The following AGBL4 variants were observed in gnomAD, a reference collection of about 807,000 sequenced individuals.
AGBL4 encodes the protein cytosolic carboxypeptidase 6.
AGBL4 carries 58 observed loss-of-function variants against 66.4 expected under a neutral mutation model. The observed-to-expected ratio is 0.87, with a 90% CI of 0.71 to 1.09. The LOEUF (loss-of-function observed/expected upper bound fraction) is 1.09. Among genes scored for constraint, AGBL4 ranks in the 50% least tolerant of loss-of-function variants. The pLI is 0.00. For missense variants in AGBL4, 579 were observed against 631.0 expected (o/e 0.92, Z 0.88); for synonymous variants, 234 against 222.9 (o/e 1.05, Z -0.44).
intron 1 of AGBL4, among the ~76,000 whole-genome samples, chr1:49,910,702 A>C (rs1453550243): frequency 2.0e-5 from 3 of 152,072 alleles, no homozygotes; most frequent in Non-Finnish European, 4.4e-5. Context: ...CGCGCCAGGC[A>C]CGGTGGCTCA....
At chr1:48,931,181 A>C (rs1489945340) in intron 5 of AGBL4, among the ~76,000 whole-genome samples, 1 of 152,198 alleles carries the variant, frequency 6.6e-6, no homozygotes, top group African/African-American at 2.4e-5. Flanking sequence ...GTGAACTAAA[A>C]ATGATCTTGG....
At chr1:49,750,832 T>A (rs1192569249) in intron 2 of AGBL4, among the ~76,000 whole-genome samples, 1 of 152,220 alleles carries the variant, frequency 6.6e-6, no homozygotes, top group African/African-American at 2.4e-5. Flanking sequence ...TCCTAGGTAT[T>A]TTATTCTCTT....
At chr1:49,069,353 T>G (rs1014899896) in intron 4 of AGBL4, among the ~76,000 whole-genome samples, 1 of 152,256 alleles carries the variant, frequency 6.6e-6, no homozygotes, top group Non-Finnish European at 1.5e-5. Flanking sequence ...TCAAGGGTTT[T>G]TATGGTTTTA....
intron 2 of AGBL4, among the ~76,000 whole-genome samples, chr1:49,791,162 A>G (rs1644589243): frequency 6.6e-6 from 1 of 152,158 alleles, no homozygotes; most frequent in Admixed American, 6.6e-5. Context: ...CTAGACTTTC[A>G]TAAGTGAAGC....
intron 5 of AGBL4, among the ~76,000 whole-genome samples, chr1:48,883,519 G>C (rs149398918): frequency 7.2e-4 from 110 of 152,292 alleles, no homozygotes; most frequent in Middle Eastern, 6.8e-3. Flanking sequence ...AGCTTTCTTT[G>C]ACTCTCCGTC....
intron 3 of AGBL4, among the ~76,000 whole-genome samples, chr1:49,373,639 C>T (rs1644412347): frequency 6.6e-6 from 1 of 152,044 alleles, no homozygotes; most frequent in African/African-American, 2.4e-5. Context: ...TTACTATCCT[C>T]ATTTTATGGA....
rs1646038865 is a variant in AGBL4 at position 48,657,474 on chromosome 1, A to G, written c.725-4023T>C. Among the ~76,000 whole-genome samples the G allele has an allele frequency of 2.0e-5, 3 of 152,346 alleles. No homozygotes were observed. The South Asian group carries it at 6.2e-4, about 32-fold the overall frequency. The stretch of plus-strand genomic sequence containing the variant: ...CAGCGTGGAATGCTGCTAAGAGGAA[A>G]GGAATACTGCAGGGCAGGGCCTCCT... On this transcript the variant is annotated intron_variant, in intron 7 of 13. Coordinates refer to ENST00000371839, the MANE Select transcript of AGBL4 (RefSeq NM_032785.4).
At chr1:49,371,683 C>T (rs1644348221) in intron 3 of AGBL4, among the ~76,000 whole-genome samples, 1 of 152,006 alleles carries the variant, frequency 6.6e-6, no homozygotes, top group Non-Finnish European at 1.5e-5. Flanking sequence ...ATCTCTATCC[C>T]CGTATATGTT....
intron 9 of AGBL4, among the ~76,000 whole-genome samples, chr1:48,601,608 C>T (rs1259862714): frequency 6.6e-6 from 1 of 152,120 alleles, no homozygotes; most frequent in African/African-American, 2.4e-5. Context: ...TGACAATAAC[C>T]ACCATCTTGC....
chr1:49,135,720 T>A (rs1353028696), intron 4 of AGBL4, among the ~76,000 whole-genome samples: 2 of 152,170 alleles, frequency 1.3e-5, no homozygotes, highest in African/African-American at 4.8e-5. Flanking sequence ...TGCCTTTAAG[T>A]GGTTTTCCGC....
At chr1:49,659,486 C>T (rs1351554981) in intron 3 of AGBL4, among the ~76,000 whole-genome samples, 1 of 152,038 alleles carries the variant, frequency 6.6e-6, no homozygotes, top group Non-Finnish European at 1.5e-5. Flanking sequence ...CAGAAAAAAG[C>T]AGAAGTTGCA....
chr1:49,461,409 T>C (rs779526766), intron 3 of AGBL4, among the ~76,000 whole-genome samples: 40 of 151,462 alleles, frequency 2.6e-4, no homozygotes, highest in Non-Finnish European at 5.5e-4. Context: ...CAGTGCATTT[T>C]GCATTTCTCT....
intron 3 of AGBL4, among the ~76,000 whole-genome samples, chr1:49,656,671 C>G (rs1486983144): frequency 6.6e-6 from 1 of 152,204 alleles, no homozygotes; most frequent in Non-Finnish European, 1.5e-5. Context: ...ATCAAGTGGG[C>G]TTCATCCCTG....
intron 5 of AGBL4, among the ~76,000 whole-genome samples, chr1:49,011,574 A>G (rs1192984457): frequency 6.6e-6 from 1 of 152,138 alleles, no homozygotes; most frequent in Non-Finnish European, 1.5e-5. Flanking sequence ...ATAAAGACAC[A>G]TGCACACATA....
intron 6 of AGBL4, among the ~76,000 whole-genome samples, chr1:48,818,701 T>C (rs1439852007): frequency 6.6e-6 from 1 of 152,152 alleles, no homozygotes; most frequent in Non-Finnish European, 1.5e-5. Flanking sequence ...TCTAATACTG[T>C]AATATTAAGA....
chr1:48,526,869 T>A, the AGBL4 span, among the ~76,000 whole-genome samples: 1 of 152,284 alleles, frequency 6.6e-6, no homozygotes, highest in African/African-American at 2.4e-5. Context: ...TTCAGGAAAC[T>A]GTTGGAGGAT....
chr1:48,589,168 G>A (rs1311204633), intron 10 of AGBL4, among the ~76,000 whole-genome samples: 1 of 152,070 alleles, frequency 6.6e-6, no homozygotes, highest in Non-Finnish European at 1.5e-5. Flanking sequence ...CTGCAAATGG[G>A]GAGCTACCTG....
At chr1:48,625,903 G>C (rs1028282645) in intron 9 of AGBL4, among the ~76,000 whole-genome samples, 2 of 152,198 alleles carry the variant, frequency 1.3e-5, no homozygotes, top group South Asian at 4.2e-4. Context: ...ATCACAGGTG[G>C]GAGAAATTGC....
chr1:49,349,204 T>G (rs1439150300), intron 3 of AGBL4, among the ~76,000 whole-genome samples: 1 of 152,184 alleles, frequency 6.6e-6, no homozygotes, highest in African/African-American at 2.4e-5. Context: ...GTACCTTCCT[T>G]ATATTTCCCA....
Sources: allele counts gnomAD v4.1 joint callset (sites outside exome capture counted in the v4.1 genomes callset), GRCh38; gene constraint gnomAD v4.1.1; transcripts MANE v1.5; gene names NCBI Gene and HGNC (gene_info 2026-07-23, HGNC 2026-07-21).